The following WASHC3 variants were observed in gnomAD, a reference collection of about 807,000 sequenced individuals.
WASHC3 encodes the protein WASH complex subunit CCDC53.
In WASHC3, 24 loss-of-function variants were observed where a neutral mutation model predicts 26.1. That is an observed-to-expected ratio of 0.92 (90% CI 0.66 to 1.29). The LOEUF (loss-of-function observed/expected upper bound fraction) is 1.29, where lower values mean the gene tolerates loss of function less well. Among genes scored for constraint, WASHC3 ranks in the 50% most tolerant of loss-of-function variants. WASHC3 has a pLI of 0.00. For synonymous variants in WASHC3, 77 were observed against 75.7 expected (o/e 1.02, Z -0.09); for missense variants, 214 against 229.6 (o/e 0.93, Z 0.44).
chr12:102,042,438 C>CAGTGTAGTGT (rs891698798), intron 4 of WASHC3, among the ~76,000 whole-genome samples: 2 of 152,172 alleles, frequency 1.3e-5, no homozygotes, highest in African/African-American at 4.8e-5. Context: ...GTACTGAAAA[C>CAGTGTAGTGT]AGTGTAGTGT....
At chr12:102,027,953 C>T (rs1194610136) in intron 5 of WASHC3, among the ~76,000 whole-genome samples, 1 of 152,102 alleles carries the variant, frequency 6.6e-6, no homozygotes, top group Non-Finnish European at 1.5e-5. Context: ...GAATTCTCTT[C>T]AAAACCATAC....
chr12:102,036,412 A>G (rs1409773643), intron 5 of WASHC3, among the ~76,000 whole-genome samples: 1 of 152,116 alleles, frequency 6.6e-6, no homozygotes, highest in African/African-American at 2.4e-5. Context: ...GCAATAGGAA[A>G]TAAAAGTTGG....
chr12:102,046,818 A>C (rs907024047), intron 2 of WASHC3, among the ~76,000 whole-genome samples: 1 of 152,202 alleles, frequency 6.6e-6, no homozygotes, highest in South Asian at 2.1e-4. Context: ...ATAGAAAATA[A>C]AAGAATAAAA....
intron 5 of WASHC3, among the ~76,000 whole-genome samples, chr12:102,032,634 C>T (rs975565592): frequency 1.3e-5 from 2 of 152,072 alleles, no homozygotes; most frequent in African/African-American, 4.8e-5. Context: ...GTTCCAGGAA[C>T]ATTCATTAGT....
At chr12:102,020,714 C>T (rs1876917208) in intron 6 of WASHC3, among the ~76,000 whole-genome samples, 3 of 152,176 alleles carry the variant, frequency 2.0e-5, no homozygotes, top group African/African-American at 7.2e-5. Context: ...GGAAACTACA[C>T]ACACATAAAG....
intron 6 of WASHC3, among the ~76,000 whole-genome samples, chr12:102,025,657 C>A (rs1056784148): frequency 3.9e-5 from 4 of 102,582 alleles, no homozygotes; most frequent in Admixed American, 9.7e-5. Flanking sequence ...AAAAAACAAT[C>A]AAGCCAAGAA....
chr12:102,053,116 C>T (rs909090147), intron 2 of WASHC3, among the ~76,000 whole-genome samples: 1 of 151,754 alleles, frequency 6.6e-6, no homozygotes, highest in African/African-American at 2.4e-5. Context: ...CACAGTACAA[C>T]CAGGACCCAG....
intron 6 of WASHC3, among the ~76,000 whole-genome samples, chr12:102,016,648 C>G (rs2121317374): frequency 6.6e-6 from 1 of 152,178 alleles, no homozygotes; most frequent in Non-Finnish European, 1.5e-5. Flanking sequence ...TGTTATTGCC[C>G]CTGAAGACCT....
chr12:102,060,397 T>TGCCTCC (rs1171494445), intron 2 of WASHC3, among the ~76,000 whole-genome samples: 1 of 152,178 alleles, frequency 6.6e-6, no homozygotes, highest in Non-Finnish European at 1.5e-5. Context: ...CTCCTGCCTC[T>TGCCTCC]GCCTCCCGAG....
chr12:102,028,843 T>C (rs1240139671), intron 5 of WASHC3, among the ~76,000 whole-genome samples: 2 of 151,272 alleles, frequency 1.3e-5, no homozygotes, highest in African/African-American at 4.8e-5. Flanking sequence ...TAAGAATAAG[T>C]ATAAGAATAA....
intron 2 of WASHC3, among the ~76,000 whole-genome samples, chr12:102,053,934 G>A (rs1237887546): frequency 6.6e-6 from 1 of 152,168 alleles, no homozygotes; most frequent in Non-Finnish European, 1.5e-5. Context: ...GATATACGTT[G>A]CAAAATCAAA....
intron 2 of WASHC3, among the ~76,000 whole-genome samples, chr12:102,055,029 T>C (rs991176844): frequency 3.3e-5 from 5 of 151,302 alleles, no homozygotes; most frequent in Non-Finnish European, 5.9e-5. Context: ...AACCCAAAGT[T>C]AGTAGAAGGA....
chr12:102,023,959 G>A (rs1290665855), intron 6 of WASHC3, among the ~76,000 whole-genome samples: 6 of 152,094 alleles, frequency 3.9e-5, no homozygotes, highest in Non-Finnish European at 8.8e-5. Context: ...TTCCTCCGTG[G>A]TAGTTACCTA....
At chr12:102,033,854 A>G (rs1877539768) in intron 5 of WASHC3, among the ~76,000 whole-genome samples, 1 of 151,920 alleles carries the variant, frequency 6.6e-6, no homozygotes, top group African/African-American at 2.4e-5. Flanking sequence ...TCATATGTAC[A>G]ATGGATGGTA....
chr12:102,053,872 TTAAAAA>T (rs142842179), intron 2 of WASHC3, among the ~76,000 whole-genome samples: 4,329 of 152,148 alleles, frequency 0.028, 202 homozygotes, highest in African/African-American at 0.1. Flanking sequence ...GACAAAACTA[TTAAAAA>T]TAATAATAGC....
At chr12:102,016,816 A>C (rs1876726036) in intron 6 of WASHC3, among the ~76,000 whole-genome samples, 2 of 152,236 alleles carry the variant, frequency 1.3e-5, no homozygotes, top group African/African-American at 2.4e-5. Context: ...TATAGCTGTA[A>C]AATTTATGAC....
At chr12:102,043,470 T>C (rs1565818026) in intron 4 of WASHC3, 2 of 152,252 alleles carry the variant, frequency 1.3e-5, no homozygotes, top group Non-Finnish European at 2.9e-5. Context: ...GGTTTTACCA[T>C]GTTGCCCAGG....
intron 2 of WASHC3, chr12:102,050,475 C>T: frequency 4.7e-6 from 2 of 421,714 alleles, no homozygotes; most frequent in South Asian, 1.8e-5. Flanking sequence ...CACACACACA[C>T]ACACACACAC....
chr12:102,046,007 T>C (rs369855242), intron 3 of WASHC3, 47 bp downstream of exon 3: 76 of 1,044,126 alleles, frequency 7.3e-5, no homozygotes, highest in Non-Finnish European at 1.0e-4. Context: ...AGAAAGCTGG[T>C]ATATGCACAG....
Sources: allele counts gnomAD v4.1 joint callset (sites outside exome capture counted in the v4.1 genomes callset), GRCh38; gene constraint gnomAD v4.1.1; transcripts MANE v1.5; gene names NCBI Gene and HGNC (gene_info 2026-07-23, HGNC 2026-07-21).